KALRN: variants seen among roughly 807,000 people sequenced by gnomAD.
The protein encoded by KALRN is kalirin RhoGEF kinase.
In KALRN, 70 loss-of-function variants were observed where a neutral mutation model predicts 353.7. The ratio of observed to expected loss-of-function variants is 0.20; its 90% confidence interval spans 0.16 to 0.24. KALRN has a LOEUF of 0.24. KALRN is among the 10% of genes least tolerant of loss of function. The pLI is 1.00. For synonymous variants in KALRN, 1,391 were observed against 1,434.8 expected (o/e 0.97, Z 0.69); for missense variants, 2,791 against 3,756.7 (o/e 0.74, Z 6.72).
intron 34 of KALRN, among the ~76,000 whole-genome samples, chr3:124,620,100 G>T (rs947111237): frequency 2.0e-5 from 3 of 151,034 alleles, no homozygotes; most frequent in Admixed American, 1.3e-4. Flanking sequence ...GTTTTGTTTT[G>T]GTTTTGGTTT....
At chr3:124,479,075 C>T (rs1051834580) in intron 27 of KALRN, among the ~76,000 whole-genome samples, 7 of 152,260 alleles carry the variant, frequency 4.6e-5, no homozygotes, top group Non-Finnish European at 7.3e-5. Context: ...TTCTGTTACT[C>T]ACATCTCCCT....
chr3:124,409,458 C>T (rs958015493), intron 13 of KALRN, among the ~76,000 whole-genome samples: 22 of 152,168 alleles, frequency 1.4e-4, no homozygotes, highest in African/African-American at 5.1e-4. Context: ...TAGGTGTTGT[C>T]GTGAAGCTCT....
chr3:124,304,290 A>AGTATAATT (rs1429757987), intron 6 of KALRN, among the ~76,000 whole-genome samples: 1 of 152,204 alleles, frequency 6.6e-6, no homozygotes, highest in Admixed American at 6.5e-5. Flanking sequence ...TAGTCTTTTT[A>AGTATAATT]GTATAATTTT....
At chr3:124,701,849 A>C (rs2062357109) in intron 56 of KALRN, among the ~76,000 whole-genome samples, 189 bp from the exon 57 acceptor site, 3 of 152,180 alleles carry the variant, frequency 2.0e-5, no homozygotes, top group Admixed American at 2.0e-4. Context: ...TGACTCTGTC[A>C]TGTCAGTTTC....
At chr3:124,444,881 A>G (rs2093785765) in intron 19 of KALRN, among the ~76,000 whole-genome samples, 1 of 152,196 alleles carries the variant, frequency 6.6e-6, no homozygotes, top group Non-Finnish European at 1.5e-5. Flanking sequence ...GATGAAAAAC[A>G]GATTCTGTCC....
At chr3:124,198,045 A>G (rs1319471698) in intron 1 of KALRN, among the ~76,000 whole-genome samples, 1 of 152,144 alleles carries the variant, frequency 6.6e-6, no homozygotes, top group African/African-American at 2.4e-5. Context: ...ATTTATACAG[A>G]CCCAGAGAGA....
intron 33 of KALRN, among the ~76,000 whole-genome samples, chr3:124,516,879 G>A (rs2066644955): frequency 6.6e-6 from 1 of 151,896 alleles, no homozygotes; most frequent in Non-Finnish European, 1.5e-5. Context: ...GTGCAGTGGT[G>A]CAATCTCGGC....
intron 38 of KALRN, among the ~76,000 whole-genome samples, chr3:124,653,530 T>G (rs1434901710): frequency 6.6e-6 from 1 of 151,684 alleles, no homozygotes; most frequent in Admixed American, 6.6e-5. Context: ...AATAGAGCAG[T>G]GTAAGGGAGA....
intron 3 of KALRN, among the ~76,000 whole-genome samples, chr3:124,262,928 CT>C (rs1425460195): frequency 6.6e-6 from 1 of 152,062 alleles, no homozygotes; most frequent in Non-Finnish European, 1.5e-5. Context: ...AAATACTATG[CT>C]GGTATTTATA....
chr3:124,414,177 G>A (rs113989244), intron 14 of KALRN, among the ~76,000 whole-genome samples: 10 of 152,170 alleles, frequency 6.6e-5, no homozygotes, highest in Admixed American at 1.3e-4. Flanking sequence ...CTGAAGTTGG[G>A]AATAGGGCCA....
intron 1 of KALRN, among the ~76,000 whole-genome samples, chr3:124,111,585 G>A (rs1434570447): frequency 2.6e-5 from 4 of 152,172 alleles, no homozygotes; most frequent in Admixed American, 2.0e-4. Context: ...CACAGTCTGT[G>A]CTCAGGATTA....
chr3:124,186,704 A>G (rs2074267571), intron 1 of KALRN, among the ~76,000 whole-genome samples: 1 of 152,214 alleles, frequency 6.6e-6, no homozygotes, highest in Admixed American at 6.5e-5. Flanking sequence ...CTCTTTCCCT[A>G]GGAGTAAAAA....
In KALRN at chr3:124,642,527, C is replaced by A. The variant is rs192694147; in HGVS notation, c.5664+5224C>A. Among the ~76,000 whole-genome samples the A allele has an allele frequency of 1.0e-3, 156 of 152,220 alleles. 1 individual carries two copies. Among genetic ancestry groups the A allele is most frequent in the African/African-American group, 3.5e-3 (147 of 41,566 alleles). Reference sequence around the variant, plus strand: ...GCCCTACCTGCTTCAGCAAGACTTTCCACCCTCTGGTTCTCCTATTTTGAC... The same window carrying A: ...GCCCTACCTGCTTCAGCAAGACTTTACACCCTCTGGTTCTCCTATTTTGAC... On this transcript the variant is annotated intron_variant, in intron 37 of 59. Transcript: ENST00000682506.
At chr3:124,572,609 A>G (rs954593128) in intron 34 of KALRN, among the ~76,000 whole-genome samples, 11 of 152,340 alleles carry the variant, frequency 7.2e-5, no homozygotes, top group African/African-American at 2.6e-4. Context: ...AAAGATGCCT[A>G]TGTAACAGAG....
intron 10 of KALRN, among the ~76,000 whole-genome samples, chr3:124,366,886 ACCCCCCCACCTCCCTCCCGGATGGGGT>A (rs2084823286): frequency 9.0e-6 from 1 of 111,320 alleles, no homozygotes; most frequent in African/African-American, 4.3e-5. Flanking sequence ...CGGGGGGCTG[ACCCCCCCACCTCCCTCCCGGATGGGGT>A]GGCTGGCCGG....
intron 6 of KALRN, among the ~76,000 whole-genome samples, chr3:124,306,166 C>T (rs924141200): frequency 6.6e-6 from 1 of 152,136 alleles, no homozygotes; most frequent in African/African-American, 2.4e-5. Flanking sequence ...CCTTAACCTC[C>T]TAGGCTCAAG....
chr3:124,330,286 A>ACACC lies in KALRN; in HGVS notation c.1416+295_1416+296insACCC, dbSNP rs1005282030. On this transcript the variant is annotated intron_variant, in intron 8 of 59. Coordinates refer to ENST00000682506, the MANE Select transcript of KALRN (RefSeq NM_001388419.1). Reference sequence around the variant, plus strand: ...CACACACACACACACACACACACACACCCCATACACCTGCCTCATCCTGTG... The same window carrying ACACC: ...CACACACACACACACACACACACACACACCCCCCATACACCTGCCTCATCCTGTG... Among the ~76,000 whole-genome samples the ACACC allele has an allele frequency of 5.2e-4, 69 of 132,504 alleles. 2 individuals are homozygous for ACACC. In the South Asian group the frequency reaches 0.01, roughly 20 times the overall value. 86.9% of individuals were successfully genotyped at this position (132,504 alleles called of 152,430 possible).
chr3:124,371,242 G>A lies in KALRN; in HGVS notation c.1771-13603G>A, dbSNP rs370400146. On this transcript the variant is annotated intron_variant, in intron 10 of 59. Coordinates refer to ENST00000682506, the MANE Select transcript of KALRN (RefSeq NM_001388419.1). Reference sequence around the variant, plus strand: ...GTAAAAAAGTTGAAATCCATGCATAGTTTCCTTTTAAGTACTACACATTTC... The same window carrying A: ...GTAAAAAAGTTGAAATCCATGCATAATTTCCTTTTAAGTACTACACATTTC... Among the ~76,000 whole-genome samples, 15 of 152,286 alleles carry A rather than the reference G, an allele frequency of 9.8e-5. No homozygotes were observed. In the East Asian group the frequency reaches 1.2e-3, roughly 12 times the overall value.
chr3:124,674,827 G>C, intron 49 of KALRN: 1 of 436,934 alleles, frequency 2.3e-6, no homozygotes, highest in Non-Finnish European at 3.9e-6. Flanking sequence ...TGGTGGCGAT[G>C]ATTTTTCTTT....
Sources: allele counts gnomAD v4.1 joint callset (sites outside exome capture counted in the v4.1 genomes callset), GRCh38; gene constraint gnomAD v4.1.1; transcripts MANE v1.5; gene names NCBI Gene and HGNC (gene_info 2026-07-23, HGNC 2026-07-21).